The following ARMC3 variants were observed in gnomAD, a reference collection of about 807,000 sequenced individuals.
The protein encoded by ARMC3 is armadillo repeat-containing protein 3.
Under a neutral mutation model 90.3 loss-of-function variants are expected in ARMC3, and 74 were observed. That is an observed-to-expected ratio of 0.82 (90% CI 0.68 to 0.99). The LOEUF (loss-of-function observed/expected upper bound fraction) is 0.99. Among genes scored for constraint, ARMC3 ranks in the 50% least tolerant of loss-of-function variants. The pLI, the probability that ARMC3 is intolerant of heterozygous loss-of-function variation, is 0.00. For synonymous variants in ARMC3, 334 were observed against 361.8 expected, an observed-to-expected ratio of 0.92 and a Z score of 0.87; for missense variants, 958 against 1,042.8, an observed-to-expected ratio of 0.92 and a Z score of 1.12.
At chr10:23,032,717 T>C (rs1445720460) in intron 17 of ARMC3, 144 bp from the exon 18 acceptor site, 3 of 797,144 alleles carry the variant, frequency 3.8e-6, no homozygotes, top group South Asian at 1.9e-5. Flanking sequence ...TAACTATTTA[T>C]GGTTAGTACT....
At chr10:22,955,027 G>A (rs1458196773) in intron 3 of ARMC3, among the ~76,000 whole-genome samples, 1 of 152,104 alleles carries the variant, frequency 6.6e-6, no homozygotes, top group Admixed American at 6.5e-5. Context: ...ATGTCCCAGG[G>A]CAAGAGAAGA....
chr10:22,948,607 A>C (rs563760777), intron 3 of ARMC3, among the ~76,000 whole-genome samples: 3 of 152,302 alleles, frequency 2.0e-5, no homozygotes, highest in Non-Finnish European at 2.9e-5. Flanking sequence ...ATGAAATAAC[A>C]GTTGACAAGA....
chr10:22,979,687 T>C (rs1243737673), intron 8 of ARMC3, among the ~76,000 whole-genome samples: 1 of 152,174 alleles, frequency 6.6e-6, no homozygotes, highest in Non-Finnish European at 1.5e-5. Context: ...GGATATTACT[T>C]ATTCAGTGAA....
At chr10:22,955,721 C>A (rs535004168) in intron 3 of ARMC3, 86 bp from the exon 4 acceptor site, 12 of 1,497,156 alleles carry the variant, frequency 8.0e-6, no homozygotes, top group African/African-American at 7.0e-5. Context: ...AGGCAAATGG[C>A]AAATAAGAAA....
In ARMC3 at chr10:23,008,825, T is replaced by C; in HGVS notation, c.1939T>C (p.Tyr647His). Residue 647 changes from tyrosine to histidine, a missense_variant, in exon 16 of 19, where the codon TAT (tyrosine) becomes CAT (histidine). Physicochemically the swap from Tyr to His is moderately conservative, Grantham distance 83. Transcript: ENST00000298032. ...SSKEKNKKNS[Y>H]HFSAGFGSPI... The stretch of plus-strand genomic sequence containing the variant: ...TTTTCAAATGACAAGAAAAAATAGT[T>C]ATCATTTTAGTGCTGGATTTGGATC... 1 of 1,611,716 alleles carries C rather than the reference T, an allele frequency of 6.2e-7. No individual in the cohort carries two copies. Among genetic ancestry groups the C allele is most frequent in the South Asian group, 1.1e-5 (1 of 90,602 alleles).
chr10:23,008,118 G>C (rs1837716602), intron 14 of ARMC3, among the ~76,000 whole-genome samples, 158 bp from the exon 15 acceptor site: 1 of 151,994 alleles, frequency 6.6e-6, no homozygotes, highest in African/African-American at 2.4e-5. Flanking sequence ...AACAAACAAA[G>C]AAAAAATGAC....
At chr10:23,005,564 G>T (rs1837560563) in intron 13 of ARMC3, among the ~76,000 whole-genome samples, 1 of 152,032 alleles carries the variant, frequency 6.6e-6, no homozygotes, top group African/African-American at 2.4e-5. Flanking sequence ...GATATCCCAG[G>T]GTAAAAATGA....
intron 2 of ARMC3, among the ~76,000 whole-genome samples, chr10:22,934,706 G>A (rs1834048140): frequency 6.6e-6 from 1 of 152,170 alleles, no homozygotes; most frequent in African/African-American, 2.4e-5. Flanking sequence ...ATGTGATACT[G>A]CTTAATTCAT....
chr10:22,929,816 G>T (rs1833862376), intron 1 of ARMC3, among the ~76,000 whole-genome samples: 1 of 152,168 alleles, frequency 6.6e-6, no homozygotes, highest in African/African-American at 2.4e-5. Flanking sequence ...CTCCCAAAGT[G>T]CTGGGATTAC....
chr10:22,933,204 G>A (rs1833996088), intron 2 of ARMC3, among the ~76,000 whole-genome samples: 1 of 151,996 alleles, frequency 6.6e-6, no homozygotes, highest in African/African-American at 2.4e-5. Flanking sequence ...ATCTCATGAT[G>A]TTTCATCATT....
chr10:23,027,748 A>G (rs1838769290), intron 16 of ARMC3, among the ~76,000 whole-genome samples: 1 of 151,708 alleles, frequency 6.6e-6, no homozygotes, highest in Admixed American at 6.6e-5. Context: ...TCTATACTGT[A>G]CCCTTTCTCT....
chr10:22,932,716 G>T (rs1055546611), intron 2 of ARMC3, among the ~76,000 whole-genome samples: 4 of 152,186 alleles, frequency 2.6e-5, no homozygotes, highest in African/African-American at 9.7e-5. Flanking sequence ...GATAAATCAG[G>T]AATAGAAAAG....
intron 13 of ARMC3, among the ~76,000 whole-genome samples, chr10:23,006,090 C>G (rs1837598293): frequency 6.6e-6 from 1 of 152,058 alleles, no homozygotes; most frequent in Admixed American, 6.5e-5. Context: ...GGGGGAAGTC[C>G]TGGGCAAATC....
chr10:22,971,521 A>G (rs1164808599), intron 8 of ARMC3, among the ~76,000 whole-genome samples: 1 of 150,248 alleles, frequency 6.7e-6, no homozygotes, highest in Non-Finnish European at 1.5e-5. Context: ...GCTCACTGCA[A>G]CCTCCACCTC....
chr10:23,005,522 G>T (rs759275899), intron 13 of ARMC3, among the ~76,000 whole-genome samples: 2 of 152,158 alleles, frequency 1.3e-5, no homozygotes, highest in Non-Finnish European at 2.9e-5. Flanking sequence ...GGAGGACAGA[G>T]AATAAACACC....
chr10:22,946,644 T>C (rs1424921057), intron 3 of ARMC3: 2 of 154,164 alleles, frequency 1.3e-5, no homozygotes, highest in Non-Finnish European at 2.9e-5. Context: ...ATAAATAAAA[T>C]GGGTGAATAA....
intron 18 of ARMC3, among the ~76,000 whole-genome samples, chr10:23,036,079 G>A (rs1588948466): frequency 6.6e-6 from 1 of 152,138 alleles, no homozygotes; most frequent in Non-Finnish European, 1.5e-5. Context: ...CTATAAAACG[G>A]GGAAAACAAT....
At chr10:23,019,109 G>A in intron 16 of ARMC3, among the ~76,000 whole-genome samples, 1 of 151,104 alleles carries the variant, frequency 6.6e-6, no homozygotes, top group Non-Finnish European at 1.5e-5. Flanking sequence ...TGACAGATAA[G>A]CCATTATTTA....
chr10:22,935,343 A>G (rs1025862775), intron 2 of ARMC3, among the ~76,000 whole-genome samples: 12 of 152,180 alleles, frequency 7.9e-5, no homozygotes, highest in African/African-American at 2.7e-4. Flanking sequence ...TCATAGACTG[A>G]CAACACTACT....
Sources: allele counts gnomAD v4.1 joint callset (sites outside exome capture counted in the v4.1 genomes callset), GRCh38; gene constraint gnomAD v4.1.1; transcripts MANE v1.5; gene names NCBI Gene and HGNC (gene_info 2026-07-23, HGNC 2026-07-21).